FAM135A: variants seen among roughly 807,000 people sequenced by gnomAD.
FAM135A encodes family with sequence similarity 135 member A.
Under a neutral mutation model 146.8 loss-of-function variants are expected in FAM135A, and 79 were observed. The ratio of observed to expected loss-of-function variants is 0.54; its 90% CI spans 0.45 to 0.65. The LOEUF is 0.65. Ranked by LOEUF, FAM135A falls within the 30% of genes least tolerant of loss-of-function variation. FAM135A has a pLI of 0.00. For missense variants in FAM135A, 1,623 were observed against 1,758.2 expected (o/e 0.92, Z 1.38); for synonymous variants, 562 against 603.6 (o/e 0.93, Z 1.01).
intron 2 of FAM135A, among the ~76,000 whole-genome samples, chr6:70,420,021 G>T (rs1768460581): frequency 6.6e-6 from 1 of 152,014 alleles, no homozygotes; most frequent in Non-Finnish European, 1.5e-5. Context: ...TATCTTTTGG[G>T]CATCATTATT....
intron 5 of FAM135A, among the ~76,000 whole-genome samples, chr6:70,464,891 C>T (rs1023179725): frequency 6.8e-5 from 9 of 132,012 alleles, no homozygotes; most frequent in African/African-American, 2.3e-4. Flanking sequence ...ACCATGTTGG[C>T]CAGGCTGGTC....
rs908176666 is a variant in FAM135A at position 70,537,443 on chromosome 6, A to G, written c.4118-848A>G. Among the ~76,000 whole-genome samples, 5 of 152,258 alleles carry G rather than the reference A, an allele frequency of 3.3e-5. No homozygotes were observed. The East Asian group carries it at 9.7e-4, about 29-fold the overall frequency. ...TCCTGTATCCCATTTCAAGTTGGTG[A>G]TTTAAAAATACAGCCAGTTCTAGAC... On this transcript the variant is annotated intron_variant, in intron 19 of 21. Coordinates refer to ENST00000418814, the MANE Select transcript of FAM135A (RefSeq NM_001162529.3).
Position 70,525,902 on chromosome 6 carries a change from T to C in FAM135A, c.2818T>C (p.Ser940Pro), listed in dbSNP as rs1460881534. The change falls in exon 15 of 22, where the codon TCC becomes CCC. Residue 940 changes from serine (S) to proline (P), a missense_variant. Coordinates refer to ENST00000418814, the MANE Select transcript of FAM135A (RefSeq NM_001162529.3). ...TSSDVKSSCS[S>P]KPNLDTMCKG... Reference sequence around the variant, plus strand: ...CAGTGATGTGAAAAGTAGTTGCAGCTCCAAACCTAACTTGGATACTATGTG... The same window carrying C: ...CAGTGATGTGAAAAGTAGTTGCAGCCCCAAACCTAACTTGGATACTATGTG... 4.3e-6 allele frequency: 7 copies of C among 1,613,138 alleles called. No homozygotes were observed. Among genetic ancestry groups the C allele is most frequent in the Admixed American group, 1.7e-5 (1 of 59,914 alleles).
intron 5 of FAM135A, among the ~76,000 whole-genome samples, chr6:70,473,541 C>T (rs1782021325): frequency 6.6e-6 from 1 of 152,124 alleles, no homozygotes; most frequent in Non-Finnish European, 1.5e-5. Flanking sequence ...ACATCCTTTC[C>T]CTGATAGGTA....
At chr6:70,414,683 TTTC>T (rs1477278338) in intron 1 of FAM135A, among the ~76,000 whole-genome samples, 1 of 152,258 alleles carries the variant, frequency 6.6e-6, no homozygotes, top group African/African-American at 2.4e-5. Flanking sequence ...TTTAATAACA[TTTC>T]TTCTTTCTTT....
At chr6:70,527,700 A>T (rs1280568066) in intron 15 of FAM135A, among the ~76,000 whole-genome samples, 1 of 152,126 alleles carries the variant, frequency 6.6e-6, no homozygotes, top group Admixed American at 6.5e-5. Flanking sequence ...TGCAATCCCC[A>T]AATTGGTTAG....
At chr6:70,497,012 A>C (rs1286662905) in intron 11 of FAM135A, among the ~76,000 whole-genome samples, 1 of 152,012 alleles carries the variant, frequency 6.6e-6, no homozygotes, top group African/African-American at 2.4e-5. Context: ...TCCATATGAA[A>C]TTTAAAGTAG....
chr6:70,504,206 A>G (rs1789206202), intron 12 of FAM135A: 1 of 152,082 alleles, frequency 6.6e-6, no homozygotes, highest in Non-Finnish European at 1.5e-5. Flanking sequence ...TTTAATTTGC[A>G]TTTCTCTGAT....
chr6:70,421,691 C>G (rs1768896093), intron 2 of FAM135A, among the ~76,000 whole-genome samples: 1 of 152,110 alleles, frequency 6.6e-6, no homozygotes, highest in Non-Finnish European at 1.5e-5. Flanking sequence ...ACTTAGTGAC[C>G]TGGGATATGA....
At chr6:70,457,280 T>C (rs976210728) in intron 5 of FAM135A, among the ~76,000 whole-genome samples, 1 of 152,194 alleles carries the variant, frequency 6.6e-6, no homozygotes, top group African/African-American at 2.4e-5. Context: ...AGCTTTCAAA[T>C]CTAGTGAGTG....
rs768278814 is a variant in FAM135A, at chr6:70,524,535, A to G, written c.1451A>G (p.Asn484Ser). The change falls in exon 15 of 22, where the codon AAT (asparagine) becomes AGT (serine). Residue 484 changes from asparagine to serine, a missense_variant. By Grantham distance (46) the Asn-to-Ser change is conservative. Around this residue, in one of 7 missense-constraint regions of FAM135A, gnomAD observed 1,061 missense variants for 1,113.8 expected, o/e 0.95. Coordinates refer to ENST00000418814, the MANE Select transcript of FAM135A (RefSeq NM_001162529.3). The part of the protein sequence containing the change: ...KQLTKSLKGK[N>S]EESNKSKVKV... Reference sequence around the variant, plus strand: ...CTAACAAAATCTCTAAAAGGAAAGAATGAAGAATCAAATAAATCCAAAGTT... The same window carrying G: ...CTAACAAAATCTCTAAAAGGAAAGAGTGAAGAATCAAATAAATCCAAAGTT... 1.3e-5 allele frequency: 20 copies of G among 1,550,640 alleles called. No homozygotes were observed. Among genetic ancestry groups the G allele is most frequent in the Non-Finnish European group, 1.5e-5 (17 of 1,146,648 alleles).
At chr6:70,442,516 G>A (rs536001205) in intron 4 of FAM135A, among the ~76,000 whole-genome samples, 1 of 151,688 alleles carries the variant, frequency 6.6e-6, no homozygotes, top group Non-Finnish European at 1.5e-5. Context: ...TCATCCCATA[G>A]GTAACCATTT....
At chr6:70,414,123 T>C (rs1477932516) in intron 1 of FAM135A, 1 of 850,304 alleles carries the variant, frequency 1.2e-6, no homozygotes. Context: ...GCCCGGGTGG[T>C]CCCTCCTTGG....
In FAM135A at chr6:70,542,276, A is replaced by ACACACACACACACACACACACC. The variant is rs1242891663; in HGVS notation, c.4228+3876_4228+3877insACACACACACACACACACACCC. Among the ~76,000 whole-genome samples, 47 of 149,130 alleles carry ACACACACACACACACACACACC rather than the reference A, an allele frequency of 3.2e-4. 1 individual carries two copies. Among genetic ancestry groups the ACACACACACACACACACACACC allele is most frequent in the African/African-American group, 1.1e-3 (44 of 40,552 alleles). ...CACACACACACACACACACACACAC[A>ACACACACACACACACACACACC]CCCTTTGCTGTGGTCATGCTATTCA... On this transcript the variant is annotated intron_variant, in intron 20 of 21. Coordinates refer to ENST00000418814, the MANE Select transcript of FAM135A (RefSeq NM_001162529.3).
intron 5 of FAM135A, among the ~76,000 whole-genome samples, chr6:70,455,160 G>T (rs1045712173): frequency 6.6e-6 from 1 of 152,052 alleles, no homozygotes; most frequent in Non-Finnish European, 1.5e-5. Context: ...TTGTAAGTTG[G>T]ATTCCTAGGT....
rs1189830480 is a variant in FAM135A at position 70,524,997 on chromosome 6, G to T, written c.1913G>T (p.Arg638Met). The change falls in exon 15 of 22, where the codon AGG becomes ATG. Residue 638 changes from arginine (R) to methionine (M), a missense_variant. This residue lies in a region of FAM135A where 1,061 missense variants were observed against 1,113.8 expected (regional missense o/e 0.95). Coordinates refer to ENST00000418814, the MANE Select transcript of FAM135A (RefSeq NM_001162529.3). ...TQMEHNLASR[R>M]SSDDCHDHQT... The stretch of plus-strand genomic sequence containing the variant: ...ATGGAACACAATCTGGCATCCAGAA[G>T]GTCATCAGACGATTGCCATGATCAT... The T allele has an allele frequency of 6.2e-7, 1 of 1,602,064 alleles. No homozygotes were observed. Among genetic ancestry groups the T allele is most frequent in the African/African-American group, 1.3e-5 (1 of 74,470 alleles).
chr6:70,445,197 G>A (rs1174558093), intron 4 of FAM135A, among the ~76,000 whole-genome samples: 1 of 152,174 alleles, frequency 6.6e-6, no homozygotes, highest in Non-Finnish European at 1.5e-5. Context: ...GCCAAACCCA[G>A]CCACGCCCAT....
At chr6:70,512,205 C>T (rs775067146) in intron 12 of FAM135A, among the ~76,000 whole-genome samples, 19 of 151,816 alleles carry the variant, frequency 1.3e-4, no homozygotes, top group Non-Finnish European at 2.1e-4. Flanking sequence ...TTTAGATTAG[C>T]CCATGTTGTA....
chr6:70,475,770 TA>T, intron 7 of FAM135A, 37 bp downstream of exon 7: 1 of 1,474,146 alleles, frequency 6.8e-7, no homozygotes, highest in East Asian at 2.3e-5. Context: ...TTTAGGCACT[TA>T]TGACTGTTAT....
Sources: gnomAD v4.1 joint callset for allele counts (sites outside exome capture counted in the v4.1 genomes callset) on GRCh38, gnomAD v4.1.1 for gene constraint, gnomAD v4.1.1 regional missense constraint, MANE v1.5 for transcripts, NCBI Gene and HGNC (gene_info 2026-07-23, HGNC 2026-07-21) for gene names.